The following SGCD variants were observed in gnomAD, a reference collection of about 807,000 sequenced individuals.
SGCD encodes the protein delta-sarcoglycan.
Under a neutral mutation model 36.6 loss-of-function variants are expected in SGCD, and 18 were observed. That is an observed-to-expected ratio of 0.49 (90% CI 0.34 to 0.73). The LOEUF is 0.73. SGCD is among the 30% of genes least tolerant of loss of function. The pLI, the probability that SGCD is intolerant of heterozygous loss-of-function variation, is 0.01. For missense variants in SGCD, 387 were observed against 346.7 expected, an observed-to-expected ratio of 1.12 and a Z score of -0.92; for synonymous variants, 133 against 130.6, an observed-to-expected ratio of 1.02 and a Z score of -0.12.
chr5:156,543,995 G>C lies in SGCD; in HGVS notation c.294+35293G>C, dbSNP rs150257073. On this transcript the variant is annotated intron_variant, in intron 4 of 8. Coordinates refer to ENST00000337851, the MANE Select transcript of SGCD (RefSeq NM_000337.6). Reference sequence around the variant, plus strand: ...GAAGTAGCTCAGAGAGCTCAGTTGGGTGTATTCCAGTGAAGAGGCATTCTC... The same window carrying C: ...GAAGTAGCTCAGAGAGCTCAGTTGGCTGTATTCCAGTGAAGAGGCATTCTC... Among the ~76,000 whole-genome samples, 430 of 152,296 alleles carry C rather than the reference G, an allele frequency of 2.8e-3. 2 individuals are homozygous for C. The highest frequency in any genetic ancestry group is 1.7e-3 in the Non-Finnish European group (115 of 68,028).
At chr5:156,109,178 T>G (rs1398841448) in intron 1 of SGCD, among the ~76,000 whole-genome samples, 1 of 152,174 alleles carries the variant, frequency 6.6e-6, no homozygotes, top group Admixed American at 6.6e-5. Context: ...GGTCCTTTGA[T>G]CTCATCATTC....
At chr5:156,263,562 AT>A (rs2127666232) in intron 3 of SGCD, among the ~76,000 whole-genome samples, 1 of 152,126 alleles carries the variant, frequency 6.6e-6, no homozygotes, top group African/African-American at 2.4e-5. Context: ...TATTTTGCTG[AT>A]TGTTTCTTTT....
intron 4 of SGCD, among the ~76,000 whole-genome samples, chr5:156,564,276 C>T (rs1759386081): frequency 6.6e-6 from 1 of 152,036 alleles, no homozygotes; most frequent in South Asian, 2.1e-4. Flanking sequence ...GGTGAAACCT[C>T]GTCTCTACTA....
intron 3 of SGCD, among the ~76,000 whole-genome samples, chr5:156,401,955 A>G (rs978831728): frequency 6.6e-6 from 1 of 152,120 alleles, no homozygotes; most frequent in Admixed American, 6.5e-5. Context: ...GCAACCAGCA[A>G]TCTGCTTTCT....
chr5:156,303,037 T>G (rs900068616), intron 3 of SGCD, among the ~76,000 whole-genome samples: 2 of 152,194 alleles, frequency 1.3e-5, no homozygotes, highest in African/African-American at 2.4e-5. Flanking sequence ...TCAGCCAGAC[T>G]TTTGTCCTTC....
intron 3 of SGCD, among the ~76,000 whole-genome samples, chr5:156,363,761 T>A (rs368900354): frequency 3.3e-5 from 5 of 152,236 alleles, no homozygotes; most frequent in African/African-American, 1.2e-4. Flanking sequence ...TTAGTTCCCT[T>A]ATTTCCCTAA....
chr5:156,611,477 G>T (rs1051969441), intron 6 of SGCD, among the ~76,000 whole-genome samples: 1 of 152,084 alleles, frequency 6.6e-6, no homozygotes, highest in Admixed American at 6.6e-5. Context: ...AAATTTGCTT[G>T]TAGTCTATTA....
At chr5:156,584,239 A>G (rs1760400147) in intron 4 of SGCD, among the ~76,000 whole-genome samples, 1 of 152,144 alleles carries the variant, frequency 6.6e-6, no homozygotes, top group African/African-American at 2.4e-5. Context: ...TGTTTTTGCT[A>G]AAATGTCTCT....
At chr5:156,166,590 G>T (rs1440814344) in intron 3 of SGCD, among the ~76,000 whole-genome samples, 2 of 152,208 alleles carry the variant, frequency 1.3e-5, no homozygotes, top group African/African-American at 2.4e-5. Flanking sequence ...ACAGTGCTGG[G>T]ATTGCAGGCG....
At chr5:156,342,094 A>G (rs991856665) in intron 2 of SGCD, among the ~76,000 whole-genome samples, 2 of 152,218 alleles carry the variant, frequency 1.3e-5, no homozygotes, top group African/African-American at 4.8e-5. Context: ...GAATCACTGC[A>G]TTCTGCCAAG....
intron 7 of SGCD, among the ~76,000 whole-genome samples, chr5:156,700,388 T>C (rs1754481265): frequency 6.6e-6 from 1 of 152,160 alleles, no homozygotes; most frequent in Non-Finnish European, 1.5e-5. Context: ...ATGGGGAAAA[T>C]ATAGGTGTGG....
chr5:156,307,555 G>GTTTTTTTTTTT (rs59481792), intron 3 of SGCD, among the ~76,000 whole-genome samples: 4 of 41,146 alleles, frequency 9.7e-5, no homozygotes, highest in Non-Finnish European at 1.5e-4. Flanking sequence ...TTTAACTGTT[G>GTTTTTTTTTTT]TTTTTTTTTT....
At chr5:156,206,023 T>C (rs999422823) in intron 3 of SGCD, among the ~76,000 whole-genome samples, 13 of 148,472 alleles carry the variant, frequency 8.8e-5, no homozygotes, top group Non-Finnish European at 1.6e-4. Flanking sequence ...TATATATATC[T>C]GTGCACATAT....
intron 4 of SGCD, among the ~76,000 whole-genome samples, chr5:156,584,242 A>G (rs115827074): frequency 0.022 from 3,413 of 152,260 alleles, 107 homozygotes; most frequent in African/African-American, 0.077. Flanking sequence ...TTTTGCTAAA[A>G]TGTCTCTCCC....
the SGCD span, among the ~76,000 whole-genome samples, chr5:155,805,311 A>C: frequency 6.6e-6 from 1 of 152,164 alleles, no homozygotes; most frequent in Non-Finnish European, 1.5e-5. Context: ...GATAGGTAGA[A>C]AGTGAGGTAG....
chr5:156,684,993 A>G (rs1753853675), intron 7 of SGCD, among the ~76,000 whole-genome samples: 1 of 152,214 alleles, frequency 6.6e-6, no homozygotes, highest in Non-Finnish European at 1.5e-5. Flanking sequence ...CAAAGGGTGA[A>G]AAAGATATAC....
At chr5:156,312,072 C>G (rs891497550) in intron 3 of SGCD, among the ~76,000 whole-genome samples, 3 of 152,100 alleles carry the variant, frequency 2.0e-5, no homozygotes, top group Non-Finnish European at 2.9e-5. Context: ...TCTGAGATAC[C>G]CAGTATCACA....
chr5:156,525,592 G>C (rs772274548), intron 4 of SGCD, among the ~76,000 whole-genome samples: 11 of 150,232 alleles, frequency 7.3e-5, no homozygotes, highest in Non-Finnish European at 1.6e-4. Context: ...AGTCCTACTT[G>C]TTTGCTTAAT....
intron 1 of SGCD, among the ~76,000 whole-genome samples, chr5:155,952,528 A>G (rs1050482988): frequency 1.6e-4 from 25 of 152,118 alleles, no homozygotes; most frequent in African/African-American, 4.6e-4. Flanking sequence ...TTGCTGGTCC[A>G]AAAGACGTAC....
Sources: allele counts gnomAD v4.1 joint callset (sites outside exome capture counted in the v4.1 genomes callset), GRCh38; gene constraint gnomAD v4.1.1; transcripts MANE v1.5; gene names NCBI Gene and HGNC (gene_info 2026-07-23, HGNC 2026-07-21).